The following IGSF10 variants were observed in gnomAD, a reference collection of about 807,000 sequenced individuals.
IGSF10 encodes immunoglobulin superfamily member 10.
A neutral mutation model predicts 128.2 loss-of-function variants in IGSF10; 126 were observed. The ratio of observed to expected loss-of-function variants is 0.98; its 90% CI spans 0.85 to 1.14. The LOEUF (loss-of-function observed/expected upper bound fraction) is 1.14, where lower values mean the gene tolerates loss of function less well. Ranked by LOEUF, IGSF10 falls within the 50% of genes most tolerant of loss-of-function variation. The pLI is 0.00. For synonymous variants in IGSF10, 1,185 were observed against 1,146.2 expected (o/e 1.03, Z -0.68); for missense variants, 3,295 against 3,149.8 (o/e 1.05, Z -1.10).
the IGSF10 span, among the ~76,000 whole-genome samples, chr3:151,478,479 G>A: frequency 6.6e-6 from 1 of 152,210 alleles, no homozygotes; most frequent in African/African-American, 2.4e-5. Context: ...GTAATTTGGA[G>A]TTTCTTGTGC....
At chr3:151,612,646 A>T in the IGSF10 span, among the ~76,000 whole-genome samples, 1 of 152,186 alleles carries the variant, frequency 6.6e-6, no homozygotes, top group Non-Finnish European at 1.5e-5. Flanking sequence ...TCCTTATATG[A>T]TACGAACAAA....
the IGSF10 span, among the ~76,000 whole-genome samples, chr3:151,509,464 G>A: frequency 0.024 from 3,613 of 152,184 alleles, 105 homozygotes; most frequent in East Asian, 0.063. Context: ...TCCTTCCTGC[G>A]TCCTTAAAGA....
chr3:151,543,359 C>T, the IGSF10 span, among the ~76,000 whole-genome samples: 3 of 152,136 alleles, frequency 2.0e-5, no homozygotes, highest in Non-Finnish European at 2.9e-5. Flanking sequence ...TTACACTGTC[C>T]ACCTTTATCT....
chr3:151,570,421 G>A, the IGSF10 span, among the ~76,000 whole-genome samples: 9 of 152,160 alleles, frequency 5.9e-5, no homozygotes, highest in African/African-American at 1.4e-4. Flanking sequence ...TTTAATGATC[G>A]CCATTCTAAC....
At chr3:151,503,282 G>A in the IGSF10 span, among the ~76,000 whole-genome samples, 1 of 151,798 alleles carries the variant, frequency 6.6e-6, no homozygotes, top group Non-Finnish European at 1.5e-5. Context: ...GTGAGAACAA[G>A]CAGAATGAGC....
At chr3:151,569,123 G>C in the IGSF10 span, among the ~76,000 whole-genome samples, 2 of 152,180 alleles carry the variant, frequency 1.3e-5, no homozygotes, top group Non-Finnish European at 2.9e-5. Context: ...GCAGGCTGGA[G>C]GGCAGTGGCA....
chr3:151,524,158 G>A, the IGSF10 span, among the ~76,000 whole-genome samples: 4 of 152,108 alleles, frequency 2.6e-5, no homozygotes, highest in African/African-American at 9.7e-5. Flanking sequence ...CAGAGAAAAG[G>A]GAACACTTAC....
At chr3:151,612,381 C>T in the IGSF10 span, among the ~76,000 whole-genome samples, 1 of 152,220 alleles carries the variant, frequency 6.6e-6, no homozygotes, top group Non-Finnish European at 1.5e-5. Context: ...GTGACACACA[C>T]ATACCACAGA....
At chr3:151,477,870 T>C in the IGSF10 span, among the ~76,000 whole-genome samples, 2 of 152,172 alleles carry the variant, frequency 1.3e-5, no homozygotes, top group Non-Finnish European at 2.9e-5. Flanking sequence ...AAAGCAGCCA[T>C]AGATAATATG....
the IGSF10 span, among the ~76,000 whole-genome samples, chr3:151,499,275 G>A: frequency 6.6e-6 from 1 of 152,098 alleles, no homozygotes; most frequent in East Asian, 1.9e-4. Flanking sequence ...TTGCTAAAAG[G>A]TAATGCCAAC....
At chr3:151,477,853 T>C in the IGSF10 span, among the ~76,000 whole-genome samples, 1 of 152,242 alleles carries the variant, frequency 6.6e-6, no homozygotes, top group African/African-American at 2.4e-5. Flanking sequence ...ACTCTGCTTT[T>C]GTAGGGAAAG....
At chr3:151,549,719 C>T in the IGSF10 span, among the ~76,000 whole-genome samples, 1 of 152,058 alleles carries the variant, frequency 6.6e-6, no homozygotes, top group African/African-American at 2.4e-5. Context: ...TTAATGGAAA[C>T]CAGAGAGGCA....
At chr3:151,451,755 T>G (rs1721520020) in intron 5 of IGSF10, among the ~76,000 whole-genome samples, 1 of 152,206 alleles carries the variant, frequency 6.6e-6, no homozygotes. Context: ...TTTAAAATGT[T>G]TCAATTAAGA....
the IGSF10 span, among the ~76,000 whole-genome samples, chr3:151,562,862 C>T: frequency 1.3e-5 from 2 of 152,030 alleles, no homozygotes; most frequent in African/African-American, 2.4e-5. Context: ...AGGGAGTGGT[C>T]GGATGGACAG....
At chr3:151,595,726 GA>G in the IGSF10 span, among the ~76,000 whole-genome samples, 1,165 of 119,154 alleles carry the variant, frequency 9.8e-3, 13 homozygotes, top group African/African-American at 0.027. Context: ...TCTGGAATCT[GA>G]AAAAAAAAAA....
At position 151,443,304 on chromosome 3, in the gene IGSF10, G is replaced by A. The variant is rs1208150560; in HGVS notation, c.5643C>T (p.Gly1881=). 4 of 1,614,060 alleles carry A rather than the reference G, an allele frequency of 2.5e-6. No individual in the cohort carries two copies. The South Asian group carries it at 4.4e-5, about 18-fold the overall frequency. ...QPSVYWVLSD[G]TEVKPLQFTN... ...TAAACTGTAATGGTTTCACTTCAGT[G>A]CCATCAGAGAGGACCCAGTAAACGC... is the stretch of plus-strand genomic sequence containing the variant. The change falls in exon 7 of 8, where the codon GGC becomes GGT. Residue 1881 remains glycine, a synonymous_variant. Transcript: ENST00000282466.
the IGSF10 span, among the ~76,000 whole-genome samples, chr3:151,607,912 G>GAAAAAAAAAAAAAAA: frequency 4.8e-5 from 2 of 42,042 alleles, no homozygotes; most frequent in African/African-American, 1.1e-4. Context: ...CTCCATCTCG[G>GAAAAAAAAAAAAAAA]AAAAAAAAAA....
chr3:151,486,062 C>T, the IGSF10 span, among the ~76,000 whole-genome samples: 1 of 152,096 alleles, frequency 6.6e-6, no homozygotes, highest in Admixed American at 6.6e-5. Flanking sequence ...ACCCATCTCA[C>T]GTGCAAAGAC....
chr3:151,452,119 T>C (rs1354799622), intron 5 of IGSF10, among the ~76,000 whole-genome samples: 1 of 149,562 alleles, frequency 6.7e-6, no homozygotes, highest in African/African-American at 2.6e-5. Flanking sequence ...TCGTAAAAAT[T>C]ATTAAGTCAT....
Sources: gnomAD v4.1 joint callset for allele counts (sites outside exome capture counted in the v4.1 genomes callset) on GRCh38, gnomAD v4.1.1 for gene constraint, MANE v1.5 for transcripts, NCBI Gene and HGNC (gene_info 2026-07-23, HGNC 2026-07-21) for gene names.